The following USP37 variants were observed in gnomAD, a reference collection of about 807,000 sequenced individuals.
USP37 encodes the protein ubiquitin specific peptidase 37, also known as ubiquitin carboxyl-terminal hydrolase 37.
USP37 carries 27 observed loss-of-function variants against 124.0 expected under a neutral mutation model. The ratio of observed to expected loss-of-function variants is 0.22; its 90% confidence interval spans 0.16 to 0.30. The LOEUF (loss-of-function observed/expected upper bound fraction) is 0.30. Among genes scored for constraint, USP37 ranks in the 10% least tolerant of loss-of-function variants. USP37 has a pLI of 1.00. For synonymous variants in USP37, 365 were observed against 388.0 expected (o/e 0.94, Z 0.70); for missense variants, 889 against 1,140.4 (o/e 0.78, Z 3.17).
At chr2:218,535,811 C>T (rs1326733612) in intron 8 of USP37, among the ~76,000 whole-genome samples, 2 of 150,368 alleles carry the variant, frequency 1.3e-5, no homozygotes, top group Admixed American at 6.6e-5. Context: ...GCCAAGATCG[C>T]GCCACTGCAC....
intron 1 of USP37, among the ~76,000 whole-genome samples, chr2:218,563,635 T>A (rs774237378): frequency 6.6e-6 from 1 of 152,200 alleles, no homozygotes; most frequent in Non-Finnish European, 1.5e-5. Context: ...CCTATCTGAA[T>A]GCTACAACAT....
chr2:218,541,882 A>G (rs897456714), intron 8 of USP37, among the ~76,000 whole-genome samples: 8 of 152,154 alleles, frequency 5.3e-5, no homozygotes, highest in Non-Finnish European at 8.8e-5. Context: ...TTTATCCTTT[A>G]CACACCCCTA....
intron 15 of USP37, among the ~76,000 whole-genome samples, chr2:218,487,293 A>G (rs1195244296): frequency 6.6e-6 from 1 of 152,258 alleles, no homozygotes; most frequent in Non-Finnish European, 1.5e-5. Context: ...CCTAAGAAAG[A>G]GCAAAGAATA....
intron 1 of USP37, among the ~76,000 whole-genome samples, chr2:218,563,685 A>T (rs1693431276): frequency 6.6e-6 from 1 of 152,182 alleles, no homozygotes; most frequent in Non-Finnish European, 1.5e-5. Flanking sequence ...AACAACATTT[A>T]TTAAGCTACT....
chr2:218,539,308 T>C (rs576258054), intron 8 of USP37, among the ~76,000 whole-genome samples: 1 of 152,300 alleles, frequency 6.6e-6, no homozygotes, highest in South Asian at 2.1e-4. Context: ...GGCTGCACTT[T>C]TGCAGTTTGA....
At chr2:218,548,317 C>T (rs950060198) in intron 6 of USP37, among the ~76,000 whole-genome samples, 7 of 151,864 alleles carry the variant, frequency 4.6e-5, no homozygotes, top group Non-Finnish European at 7.4e-5. Context: ...GAATATTATC[C>T]CATCCCATAG....
At chr2:218,473,451 T>C (rs974812682) in intron 20 of USP37, among the ~76,000 whole-genome samples, 3 of 152,208 alleles carry the variant, frequency 2.0e-5, no homozygotes, top group Admixed American at 6.5e-5. Context: ...TAATTCTTAT[T>C]TTACTTGCAT....
chr2:218,536,639 C>T (rs923811955), intron 8 of USP37, among the ~76,000 whole-genome samples: 4 of 152,184 alleles, frequency 2.6e-5, no homozygotes, highest in African/African-American at 9.6e-5. Flanking sequence ...TTGTTTCCTG[C>T]CCTTAACTAT....
At chr2:218,478,557 A>C (rs901024837) in intron 18 of USP37, among the ~76,000 whole-genome samples, 2 of 152,172 alleles carry the variant, frequency 1.3e-5, no homozygotes, top group African/African-American at 4.8e-5. Context: ...ATCAACTCCC[A>C]AATTTTCATA....
chr2:218,496,080 G>C, intron 13 of USP37, 130 bp from the exon 14 acceptor site: 1 of 851,674 alleles, frequency 1.2e-6, no homozygotes, highest in Non-Finnish European at 1.7e-6. Context: ...GATCACTTGA[G>C]GTCAGGAGTT....
chr2:218,561,331 T>C (rs1053600038), intron 2 of USP37, among the ~76,000 whole-genome samples: 56 of 152,238 alleles, frequency 3.7e-4, no homozygotes, highest in African/African-American at 1.3e-3. Flanking sequence ...TGGTATTAGA[T>C]TAGAGATGGA....
At chr2:218,540,190 G>C (rs1691898170) in intron 8 of USP37, among the ~76,000 whole-genome samples, 1 of 152,066 alleles carries the variant, frequency 6.6e-6, no homozygotes, top group South Asian at 2.1e-4. Flanking sequence ...CTCACAGTTG[G>C]TCTGATAACC....
At chr2:218,491,487 A>C (rs1337479222) in intron 14 of USP37, among the ~76,000 whole-genome samples, 1 of 152,264 alleles carries the variant, frequency 6.6e-6, no homozygotes, top group East Asian at 1.9e-4. Flanking sequence ...GCCTTATGAT[A>C]CTCTGAGCTG....
In USP37 at chr2:218,498,375, T is replaced by C. The variant is rs559088502; in HGVS notation, c.1026-218A>G. On this transcript the variant is annotated intron_variant, in intron 11 of 25. Transcript: ENST00000258399. Reference sequence around the variant, plus strand: ...AAAATGTCCATTTCTAACAAGTTACTAGATCACGTTGATGCTGCTGGTCTG... The same window carrying C: ...AAAATGTCCATTTCTAACAAGTTACCAGATCACGTTGATGCTGCTGGTCTG... 4.9e-4 allele frequency: 161 copies of C among 327,760 alleles called. 1 individual carries two copies. The South Asian group carries it at 8.2e-3, about 17-fold the overall frequency. 20.3% of individuals were successfully genotyped at this position (327,760 alleles called of 1,614,324 possible). A position where few individuals can be genotyped will look rare whatever the true frequency, so the allele number is the denominator to read the frequency against.
chr2:218,544,428 TATAGAGAG>T (rs1477232994), intron 8 of USP37, among the ~76,000 whole-genome samples: 173 of 50,058 alleles, frequency 3.5e-3, no homozygotes, highest in Non-Finnish European at 3.7e-3. Context: ...TATATATATA[TATAGAGAG>T]AGAGAGAGAG....
intron 10 of USP37, 140 bp from the exon 11 acceptor site, chr2:218,510,280 G>T: frequency 1.1e-6 from 1 of 882,796 alleles, no homozygotes; most frequent in Non-Finnish European, 1.7e-6. Flanking sequence ...ATCACTTAAG[G>T]GAAAACTCTA....
chr2:218,459,942 T>C, intron 22 of USP37, 37 bp from the exon 23 acceptor site: 1 of 1,522,802 alleles, frequency 6.6e-7, no homozygotes, highest in Non-Finnish European at 9.1e-7. Flanking sequence ...TAAAAGTTCT[T>C]GGAATAGAAT....
chr2:218,531,751 G>T (rs1691339182), intron 9 of USP37, among the ~76,000 whole-genome samples: 1 of 152,232 alleles, frequency 6.6e-6, no homozygotes, highest in Non-Finnish European at 1.5e-5. Flanking sequence ...GAGTTTGGAA[G>T]TTGATTCCAA....
At chr2:218,566,733 T>G (rs1693619085) in intron 1 of USP37, among the ~76,000 whole-genome samples, 1 of 152,134 alleles carries the variant, frequency 6.6e-6, no homozygotes, top group Admixed American at 6.5e-5. Flanking sequence ...GCCAAGGCAA[T>G]CAAGTCCAGG....
Sources: allele counts gnomAD v4.1 joint callset (sites outside exome capture counted in the v4.1 genomes callset), GRCh38; gene constraint gnomAD v4.1.1; transcripts MANE v1.5; gene names NCBI Gene and HGNC (gene_info 2026-07-23, HGNC 2026-07-21).